The following ARHGAP44 variants were observed in gnomAD, a reference collection of about 807,000 sequenced individuals.
ARHGAP44 encodes the protein rho GTPase-activating protein 44.
Under a neutral mutation model 106.8 loss-of-function variants are expected in ARHGAP44, and 43 were observed. That is an observed-to-expected ratio of 0.40 (90% CI 0.32 to 0.52). The LOEUF is 0.52. Ranked by LOEUF, ARHGAP44 falls within the 20% of genes least tolerant of loss-of-function variation. The pLI is 0.48. For missense variants in ARHGAP44, 866 were observed against 1,050.5 expected (o/e 0.82, Z 2.43); for synonymous variants, 439 against 410.3 (o/e 1.07, Z -0.85).
At chr17:12,901,220 G>A (rs190252641) in intron 3 of ARHGAP44, among the ~76,000 whole-genome samples, 54 of 152,110 alleles carry the variant, frequency 3.6e-4, no homozygotes, top group African/African-American at 1.3e-3. Flanking sequence ...CACCACACCC[G>A]GCCAAGTTTG....
chr17:12,919,841 CTT>C lies in ARHGAP44; in HGVS notation c.464+12_464+13del. 6.2e-7 allele frequency: 1 copy of C among 1,607,424 alleles called. No individual in the cohort carries two copies. The highest frequency in any genetic ancestry group is 8.5e-7 in the Non-Finnish European group (1 of 1,177,030). ...ATTCCTCACGAACCAGGTAGAATCT[CTT>C]TACTTTCTTTTTTGCTTCTTTGAAG... On this transcript the variant is annotated intron_variant, in intron 6 of 20. Transcript: ENST00000379672.
chr17:12,923,421 G>T (rs2038142545), intron 6 of ARHGAP44, among the ~76,000 whole-genome samples: 1 of 152,144 alleles, frequency 6.6e-6, no homozygotes, highest in Non-Finnish European at 1.5e-5. Context: ...TCGCCATGTT[G>T]GCCAGGCTGG....
chr17:12,981,363 T>A (rs2039824561), intron 19 of ARHGAP44, among the ~76,000 whole-genome samples: 1 of 151,882 alleles, frequency 6.6e-6, no homozygotes, highest in Non-Finnish European at 1.5e-5. Context: ...GCACCAATGG[T>A]TTCTCCTTGG....
In ARHGAP44 at chr17:12,958,275, AAATATT is replaced by A. The variant is rs1258885649; in HGVS notation, c.1343-435_1343-430del. On this transcript the variant is annotated intron_variant, in intron 15 of 20. Transcript: ENST00000379672. This position sits in a 1 kb window ranked among gnomAD's most constrained non-coding sequence, Gnocchi z 4.1. The stretch of plus-strand genomic sequence containing the variant: ...CCAGAAAGGCAGTGTCATCATCTAT[AAATATT>A]AATATTGCCTCTTATTTTATTTTCT... Among the ~76,000 whole-genome samples, 1 of 152,196 alleles carries A rather than the reference AAATATT, an allele frequency of 6.6e-6. No homozygotes were observed. Among genetic ancestry groups the A allele is most frequent in the Non-Finnish European group, 1.5e-5 (1 of 68,028 alleles).
chr17:12,976,561 C>T lies in ARHGAP44; in HGVS notation c.1763+2251C>T, dbSNP rs1349740859. The stretch of plus-strand genomic sequence containing the variant: ...CCAGGAGGCGGAGGTTGCAGTGAGC[C>T]GAGATGGTGCCACTGCACTCCAACC... On this transcript the variant is annotated intron_variant, in intron 18 of 20. Coordinates refer to ENST00000379672, the MANE Select transcript of ARHGAP44 (RefSeq NM_014859.6). 2.1e-5 allele frequency among the ~76,000 whole-genome samples: 3 copies of T among 142,870 alleles called. No homozygotes were observed. In the Admixed American group the frequency reaches 2.2e-4, roughly 11 times the overall value. 93.7% of individuals were successfully genotyped at this position (142,870 alleles called of 152,430 possible). A position where few individuals can be genotyped will look rare whatever the true frequency, so the allele number is the denominator to read the frequency against.
At chr17:12,863,303 G>T (rs1469498332) in intron 1 of ARHGAP44, among the ~76,000 whole-genome samples, 2 of 151,962 alleles carry the variant, frequency 1.3e-5, no homozygotes, top group African/African-American at 4.8e-5. Context: ...AAGAACTTCT[G>T]ATTGCTAATC....
intron 6 of ARHGAP44, among the ~76,000 whole-genome samples, chr17:12,920,428 A>T (rs2038049010): frequency 6.7e-6 from 1 of 150,316 alleles, no homozygotes; most frequent in South Asian, 2.1e-4. Flanking sequence ...GCGATGATGG[A>T]GAAAGGGAGC....
intron 10 of ARHGAP44, among the ~76,000 whole-genome samples, chr17:12,946,829 AAGTAAC>A (rs1161674992): frequency 6.6e-6 from 1 of 151,424 alleles, no homozygotes. Context: ...ATTCCCCAAA[AAGTAAC>A]AGTAACCTAT....
rs74416997 is a variant in ARHGAP44 at position 12,850,892 on chromosome 17, A to G, written c.54-44048A>G. On this transcript the variant is annotated intron_variant, in intron 1 of 20. Coordinates refer to ENST00000379672, the MANE Select transcript of ARHGAP44 (RefSeq NM_014859.6). ...GGATAGAAGCCTCTTGGAATCACTG[A>G]GTGTCATGCATATAACAGGCAGGCT... Among the ~76,000 whole-genome samples, 490 of 152,316 alleles carry G rather than the reference A, an allele frequency of 3.2e-3. 3 individuals carry two copies. Among genetic ancestry groups the G allele is most frequent in the African/African-American group, 0.011 (473 of 41,566 alleles).
chr17:12,912,701 T>C (rs990099799), intron 4 of ARHGAP44, among the ~76,000 whole-genome samples: 1 of 152,094 alleles, frequency 6.6e-6, no homozygotes, highest in Non-Finnish European at 1.5e-5. Context: ...GGATCAGAAA[T>C]GCGAATGCTT....
chr17:12,840,140 T>G (rs72813143), intron 1 of ARHGAP44, among the ~76,000 whole-genome samples: 13,325 of 152,208 alleles, frequency 0.088, 792 homozygotes, highest in Non-Finnish European at 0.13. Flanking sequence ...AGATTTTTTT[T>G]TGTGTGTCAT....
chr17:12,975,223 T>C (rs542330980), intron 18 of ARHGAP44, among the ~76,000 whole-genome samples: 1 of 152,332 alleles, frequency 6.6e-6, no homozygotes, highest in South Asian at 2.1e-4. Flanking sequence ...CTACAGAAAG[T>C]AAAACCACGG....
chr17:12,834,694 C>T (rs1383217280), intron 1 of ARHGAP44, among the ~76,000 whole-genome samples: 1 of 152,106 alleles, frequency 6.6e-6, no homozygotes, highest in Non-Finnish European at 1.5e-5. Flanking sequence ...AGTCCCTTCC[C>T]CCATGAAGTT....
At chr17:12,903,616 TA>T (rs2037460604) in intron 3 of ARHGAP44, among the ~76,000 whole-genome samples, 1 of 152,204 alleles carries the variant, frequency 6.6e-6, no homozygotes. Context: ...TTTATTTCAA[TA>T]GGTTTTTGGG....
chr17:12,964,806 C>T (rs79278762), intron 16 of ARHGAP44, among the ~76,000 whole-genome samples: 12,991 of 152,058 alleles, frequency 0.085, 634 homozygotes, highest in African/African-American at 0.12. Context: ...AGAATAGAAG[C>T]GACATGGGTA....
intron 1 of ARHGAP44, among the ~76,000 whole-genome samples, chr17:12,852,160 C>T (rs1329762518): frequency 7.3e-6 from 1 of 137,438 alleles, no homozygotes; most frequent in Non-Finnish European, 1.6e-5. Flanking sequence ...AAAGTCTATC[C>T]CACACAAAAC....
At chr17:12,837,326 C>T (rs1000821409) in intron 1 of ARHGAP44, among the ~76,000 whole-genome samples, 1 of 152,120 alleles carries the variant, frequency 6.6e-6, no homozygotes, top group Non-Finnish European at 1.5e-5. Flanking sequence ...ACCCCATTTA[C>T]CCTAATGTGA....
chr17:12,907,693 C>T (rs2037596030), intron 3 of ARHGAP44, among the ~76,000 whole-genome samples: 1 of 152,138 alleles, frequency 6.6e-6, no homozygotes, highest in Non-Finnish European at 1.5e-5. Flanking sequence ...ATGGATATAC[C>T]ACATTTTGTC....
chr17:12,977,381 C>T lies in ARHGAP44; in HGVS notation c.1764-2677C>T, dbSNP rs77237087. On this transcript the variant is annotated intron_variant, in intron 18 of 20. Transcript: ENST00000379672. ...GGCCGGATTCTCGTTCTGGCTCCCC[C>T]TCCCCTGATGGCAGGCCCTTCCTTG... Among the ~76,000 whole-genome samples the T allele has an allele frequency of 3.9e-5, 6 of 152,222 alleles. No individual in the cohort carries two copies. The South Asian group carries it at 1.0e-3, about 26-fold the overall frequency.
Sources: allele counts gnomAD v4.1 joint callset (sites outside exome capture counted in the v4.1 genomes callset), GRCh38; gene constraint gnomAD v4.1.1; non-coding constraint Gnocchi (gnomAD v3.1); transcripts MANE v1.5; gene names NCBI Gene and HGNC (gene_info 2026-07-23, HGNC 2026-07-21).